The following CUX1 variants were observed in gnomAD, a reference collection of about 807,000 sequenced individuals.
CUX1 encodes cut like homeobox 1, also known as protein CASP.
Under a neutral mutation model 158.8 loss-of-function variants are expected in CUX1, and 31 were observed. The observed-to-expected ratio is 0.20, with a 90% CI of 0.15 to 0.26. The LOEUF (loss-of-function observed/expected upper bound fraction) is 0.26. Ranked by LOEUF, CUX1 falls within the 10% of genes least tolerant of loss-of-function variation. The probability of loss-of-function intolerance (pLI) is 1.00; values close to 1 mark genes in which losing one functional copy is unlikely to be tolerated. For synonymous variants in CUX1, 879 were observed against 862.1 expected (o/e 1.02, Z -0.34); for missense variants, 1,589 against 2,014.6 (o/e 0.79, Z 4.04).
rs1824723298 is a variant in CUX1 at position 102,060,608 on chromosome 7, A to ACACACACAC, written c.190-9731_190-9730insCACACACAC. On this transcript the variant is annotated intron_variant, in intron 3 of 23. Coordinates refer to ENST00000292535, the MANE Select transcript of CUX1 (RefSeq NM_181552.4). The stretch of plus-strand genomic sequence containing the variant: ...ATATATATATACACACACACAAATA[A>ACACACACAC]ACACACACACACACACACACACACA... Among the ~76,000 whole-genome samples, 36 of 133,302 alleles carry ACACACACAC rather than the reference A, an allele frequency of 2.7e-4. 1 individual carries two copies. Among genetic ancestry groups the ACACACACAC allele is most frequent in the East Asian group, 2.3e-3 (10 of 4,332 alleles). The allele number at this position is 133,302 out of a possible 152,430, so 87.5% of individuals were successfully genotyped here. A position where few individuals can be genotyped will look rare whatever the true frequency, so the allele number is the denominator to read the frequency against.
chr7:101,958,074 A>T (rs1016184951), intron 2 of CUX1, among the ~76,000 whole-genome samples: 5 of 152,162 alleles, frequency 3.3e-5, no homozygotes, highest in African/African-American at 1.2e-4. Context: ...TTGCTGGAAC[A>T]TGTTTCTGGA....
intron 3 of CUX1, among the ~76,000 whole-genome samples, chr7:102,030,003 A>G (rs1820529378): frequency 6.7e-6 from 1 of 149,004 alleles, no homozygotes; most frequent in South Asian, 2.1e-4. Flanking sequence ...AGTACAGTGA[A>G]TACCTGTATG....
At chr7:102,181,272 C>T (rs1793059273) in intron 11 of CUX1, among the ~76,000 whole-genome samples, 1 of 152,162 alleles carries the variant, frequency 6.6e-6, no homozygotes, top group African/African-American at 2.4e-5. Context: ...TTCTTCCTCT[C>T]TCATCAGCTT....
chr7:102,126,889 C>A (rs1234999622), intron 8 of CUX1, among the ~76,000 whole-genome samples: 2 of 152,202 alleles, frequency 1.3e-5, no homozygotes, highest in Non-Finnish European at 2.9e-5. Context: ...TGTTTTTCTG[C>A]AACTACACAG....
At chr7:102,049,237 C>A (rs1468411618) in intron 3 of CUX1, among the ~76,000 whole-genome samples, 1 of 152,208 alleles carries the variant, frequency 6.6e-6, no homozygotes, top group Admixed American at 6.5e-5. Context: ...CTCAGCGCAG[C>A]CCTTTGGGCA....
intron 4 of CUX1, among the ~76,000 whole-genome samples, chr7:102,091,788 C>G (rs1554482323): frequency 6.6e-6 from 1 of 152,200 alleles, no homozygotes; most frequent in African/African-American, 2.4e-5. Context: ...TGGAGTCTTG[C>G]TCTATCACCC....
At chr7:102,030,893 G>T (rs1157526245) in intron 3 of CUX1, among the ~76,000 whole-genome samples, 3 of 151,748 alleles carry the variant, frequency 2.0e-5, no homozygotes, top group Non-Finnish European at 2.9e-5. Context: ...GTAGAGACGA[G>T]GTTTCAATAC....
intron 1 of CUX1, among the ~76,000 whole-genome samples, chr7:101,862,752 G>A (rs2906741): frequency 0.15 from 22,529 of 151,846 alleles, 1,807 homozygotes; most frequent in Non-Finnish European, 0.18. Context: ...CCTTCCCATC[G>A]TAAGTCCCCG....
downstream of CUX1, among the ~76,000 whole-genome samples, chr7:102,260,327 G>T (rs1477888441): frequency 1.3e-5 from 2 of 150,868 alleles, no homozygotes; most frequent in East Asian, 4.0e-4. Context: ...GAGCTCAGAA[G>T]ATCCACCCAC....
chr7:102,085,001 A>G (rs1827820029), intron 4 of CUX1, among the ~76,000 whole-genome samples: 1 of 151,442 alleles, frequency 6.6e-6, no homozygotes, highest in South Asian at 2.1e-4. Context: ...TATCAACTGT[A>G]GATTTTTTTG....
chr7:102,157,583 C>T (rs1012867838), intron 8 of CUX1, among the ~76,000 whole-genome samples: 6 of 152,166 alleles, frequency 3.9e-5, no homozygotes, highest in African/African-American at 1.4e-4. Context: ...AGTTTGAGAC[C>T]AGCCTGGCCA....
chr7:102,217,912 C>T (rs1293446673), intron 20 of CUX1, among the ~76,000 whole-genome samples: 1 of 146,216 alleles, frequency 6.8e-6, no homozygotes, highest in South Asian at 2.2e-4. Context: ...TGGATGGACA[C>T]GATGGTGTCT....
chr7:101,999,729 C>A (rs1160293141), intron 2 of CUX1, among the ~76,000 whole-genome samples: 2 of 152,168 alleles, frequency 1.3e-5, no homozygotes, highest in Non-Finnish European at 2.9e-5. Flanking sequence ...TCTGCACTGC[C>A]CCATACACAG....
At chr7:101,943,546 C>G (rs1232427033) in intron 2 of CUX1, among the ~76,000 whole-genome samples, 1 of 152,082 alleles carries the variant, frequency 6.6e-6, no homozygotes, top group African/African-American at 2.4e-5. Context: ...TGTTCGCTCT[C>G]AAATGGGCTC....
chr7:101,898,792 T>C (rs1801827652), intron 1 of CUX1, among the ~76,000 whole-genome samples: 1 of 152,174 alleles, frequency 6.6e-6, no homozygotes, highest in Non-Finnish European at 1.5e-5. Context: ...GGTTTTGCCA[T>C]GTTGGCCAGG....
chr7:102,187,017 G>A (rs1254465138), intron 11 of CUX1: 2 of 152,386 alleles, frequency 1.3e-5, no homozygotes, highest in East Asian at 3.9e-4. Context: ...GGGCAACAGA[G>A]CGAGACTCCA....
intron 1 of CUX1, among the ~76,000 whole-genome samples, chr7:101,834,634 G>A (rs1794431457): frequency 6.6e-6 from 1 of 152,162 alleles, no homozygotes; most frequent in South Asian, 2.1e-4. Flanking sequence ...CTGGTGCAGA[G>A]AGCAGTTCTT....
chr7:101,943,653 T>G (rs1279093185), intron 2 of CUX1, among the ~76,000 whole-genome samples: 1 of 150,330 alleles, frequency 6.7e-6, no homozygotes, highest in Non-Finnish European at 1.5e-5. Flanking sequence ...TTGGGAACAG[T>G]GTCCCCTAAT....
intron 8 of CUX1, among the ~76,000 whole-genome samples, chr7:102,133,036 A>G (rs1166442173): frequency 1.6e-4 from 25 of 152,070 alleles, no homozygotes; most frequent in African/African-American, 6.0e-4. Flanking sequence ...TGCCACCAGT[A>G]TCTCCCTGGA....
Sources: allele counts gnomAD v4.1 joint callset (sites outside exome capture counted in the v4.1 genomes callset), GRCh38; gene constraint gnomAD v4.1.1; transcripts MANE v1.5; gene names NCBI Gene and HGNC (gene_info 2026-07-23, HGNC 2026-07-21).